Variants in CCDC32 observed in about 807,000 individuals in gnomAD.
CCDC32 encodes the protein coiled-coil domain-containing protein 32.
Under a neutral mutation model 20.1 loss-of-function variants are expected in CCDC32, and 9 were observed. The observed-to-expected ratio is 0.45, with a 90% CI of 0.27 to 0.78. The LOEUF is 0.78. Ranked by LOEUF, CCDC32 falls within the 30% of genes least tolerant of loss-of-function variation. The probability of loss-of-function intolerance (pLI) is 0.16; values close to 1 mark genes in which losing one functional copy is unlikely to be tolerated. For missense variants in CCDC32, 204 were observed against 215.5 expected (o/e 0.95, Z 0.33); for synonymous variants, 63 against 79.0 (o/e 0.80, Z 1.07).
chr15:40,549,901 G>C (rs1010805908), downstream of CCDC32, among the ~76,000 whole-genome samples: 2 of 152,232 alleles, frequency 1.3e-5, no homozygotes, highest in African/African-American at 4.8e-5. Context: ...AACAGGGCCA[G>C]GGAGAGGCTC....
Position 40,557,388 on chromosome 15 carries a change from G to C in CCDC32, c.245-16C>G. The C allele has an allele frequency of 3.2e-6, 5 of 1,576,628 alleles. No individual in the cohort carries two copies. The highest frequency in any genetic ancestry group is 4.3e-6 in the Non-Finnish European group (5 of 1,166,440). ...AGCTTCTTCTCTAGAGAGAGAAGTA[G>C]AGCTTAACAAGGAAAATGAGCATGA... On this transcript the variant is annotated splice_polypyrimidine_tract_variant and intron_variant, in intron 2 of 3. Transcript: ENST00000416810.
chr15:40,539,198 A>G (rs574133348), downstream of CCDC32: 1,600 of 1,503,872 alleles, frequency 1.1e-3, 3 homozygotes, highest in Middle Eastern at 2.8e-3. Context: ...TCAATCCCAC[A>G]TGGTTCTGCA....
intron 1 of CCDC32, among the ~76,000 whole-genome samples, chr15:40,564,367 T>G (rs1205461160): frequency 6.6e-6 from 1 of 152,170 alleles, no homozygotes; most frequent in Non-Finnish European, 1.5e-5. Context: ...CTAGGGCACA[T>G]TACTGATATG....
chr15:40,549,357 TAGGGCTTTGCAC>T (rs1889748040), downstream of CCDC32, among the ~76,000 whole-genome samples: 8 of 152,352 alleles, frequency 5.3e-5, no homozygotes, highest in South Asian at 1.7e-3. Context: ...CTTTTGCTTT[TAGGGCTTTGCAC>T]ATGCTGTTTT....
At position 40,554,175 on chromosome 15, in the gene CCDC32, T is replaced by G. The variant is rs765751917; in HGVS notation, c.402-48A>C. Reference sequence around the variant, plus strand: ...GGTGGCTGTGTCAGACCTCACTGATTAATTACTTAATGATTATCTCAGTTA... The same window carrying G: ...GGTGGCTGTGTCAGACCTCACTGATGAATTACTTAATGATTATCTCAGTTA... On this transcript the variant is annotated intron_variant, in intron 3 of 3. Transcript: ENST00000416810. The G allele has an allele frequency of 5.9e-5, 92 of 1,565,168 alleles. 1 individual carries two copies. In the South Asian group the frequency reaches 1.0e-3, roughly 18 times the overall value.
At chr15:40,558,465 A>G (rs1345297813) in intron 2 of CCDC32, among the ~76,000 whole-genome samples, 1 of 152,114 alleles carries the variant, frequency 6.6e-6, no homozygotes, top group Non-Finnish European at 1.5e-5. Context: ...TTATCAGTGG[A>G]TTCTCTTTGA....
At chr15:40,539,331 G>A (rs775126247) in exon 4 of CCDC32, 1 of 1,535,638 alleles carries the variant, frequency 6.5e-7, no homozygotes, top group East Asian at 2.4e-5. Context: ...AGCTGCTGCT[G>A]CCAGGGGTTC....
chr15:40,564,313 A>C (rs1890876186), intron 1 of CCDC32, among the ~76,000 whole-genome samples: 1 of 152,148 alleles, frequency 6.6e-6, no homozygotes, highest in African/African-American at 2.4e-5. Flanking sequence ...AGGTATTTTC[A>C]CCATTTTACA....
At chr15:40,527,749 C>T (rs1239148873), downstream of CCDC32, among the ~76,000 whole-genome samples, 3 of 152,256 alleles carry the variant, frequency 2.0e-5, no homozygotes, top group African/African-American at 7.2e-5. Flanking sequence ...CCATGTGGTG[C>T]TGTGCTCTGC....
intron 1 of CCDC32, chr15:40,564,693 C>T: frequency 6.2e-7 from 1 of 1,607,368 alleles, no homozygotes; most frequent in Non-Finnish European, 8.5e-7. Context: ...CCTGGGTGAA[C>T]TGATGTCTAG....
chr15:40,534,699 G>A (rs780862028), downstream of CCDC32: 67 of 567,530 alleles, frequency 1.2e-4, 1 homozygote, highest in Middle Eastern at 1.7e-3. Context: ...TCACATGGCA[G>A]AAGAGAACTA....
rs138082848 is a variant in CCDC32, at chr15:40,557,062, C to G, written c.401+154G>C. The stretch of plus-strand genomic sequence containing the variant: ...CTTAAAAATGAACACAATGCTTTAT[C>G]CTTAACTCTATTCAATCTGTGACCA... On this transcript the variant is annotated intron_variant, in intron 3 of 3. Coordinates refer to ENST00000416810, the MANE Select transcript of CCDC32 (RefSeq NM_001080792.4). 1.0e-5 allele frequency: 8 copies of G among 768,396 alleles called. No homozygotes were observed. In the African/African-American group the frequency reaches 1.4e-4, roughly 14 times the overall value. 47.6% of individuals were successfully genotyped at this position (768,396 alleles called of 1,614,324 possible).
downstream of CCDC32, among the ~76,000 whole-genome samples, chr15:40,549,906 A>C (rs1889772794): frequency 6.6e-6 from 1 of 152,092 alleles, no homozygotes; most frequent in African/African-American, 2.4e-5. Flanking sequence ...GGCCAGGGAG[A>C]GGCTCCAGGG....
downstream of CCDC32, among the ~76,000 whole-genome samples, chr15:40,524,943 T>A (rs1333294557): frequency 6.6e-6 from 1 of 151,506 alleles, no homozygotes; most frequent in African/African-American, 2.4e-5. Context: ...CCCAGGCTGG[T>A]CTCCCAACTC....
At chr15:40,546,708 A>T (rs1310719847) in intron 3 of CCDC32, among the ~76,000 whole-genome samples, 6 of 146,204 alleles carry the variant, frequency 4.1e-5, no homozygotes, top group Admixed American at 6.8e-5. Context: ...GTGTTTTGCA[A>T]TTTTTTTTTT....
chr15:40,539,642 A>T (rs1889290991), intron 3 of CCDC32, among the ~76,000 whole-genome samples: 1 of 152,154 alleles, frequency 6.6e-6, no homozygotes, highest in African/African-American at 2.4e-5. Flanking sequence ...AGCAGAGACC[A>T]AGGCAGTCAG....
intron 1 of CCDC32, chr15:40,564,671 T>C (rs1336939456): frequency 1.3e-6 from 2 of 1,563,328 alleles, no homozygotes; most frequent in Non-Finnish European, 1.8e-6. Context: ...GGGACAGCTA[T>C]GACACGGCGG....
chr15:40,553,905 C>CGTGTGTGTGTGTGT lies in CCDC32; in HGVS notation c.*52_*65dup, dbSNP rs60438611. On this transcript the variant is annotated 3_prime_UTR_variant, in exon 4 of 4. Coordinates refer to ENST00000416810, the MANE Select transcript of CCDC32 (RefSeq NM_001080792.4). ...CTCTGGACCCGAGACAGCTGCTCGG[C>CGTGTGTGTGTGTGT]GTGTGTGTGTGTGTGTGTGTGTGTG... The CGTGTGTGTGTGTGT allele has an allele frequency of 2.5e-5, 36 of 1,435,458 alleles. No individual in the cohort carries two copies. In the East Asian group the frequency reaches 3.0e-4, roughly 12 times the overall value. The allele number at this position is 1,435,458 out of a possible 1,614,324, so 88.9% of individuals were successfully genotyped here. A position where few individuals can be genotyped will look rare whatever the true frequency, so the allele number is the denominator to read the frequency against.
chr15:40,533,171 T>C (rs912020097), downstream of CCDC32, among the ~76,000 whole-genome samples: 2 of 152,112 alleles, frequency 1.3e-5, no homozygotes, highest in Non-Finnish European at 1.5e-5. Flanking sequence ...CCAGGCTCTG[T>C]TCTAGTCTTG....
Sources: gnomAD v4.1 joint callset for allele counts (sites outside exome capture counted in the v4.1 genomes callset) on GRCh38, gnomAD v4.1.1 for gene constraint, MANE v1.5 for transcripts, NCBI Gene and HGNC (gene_info 2026-07-23, HGNC 2026-07-21) for gene names.